The following DLGAP1 variants were observed in gnomAD, a reference collection of about 807,000 sequenced individuals.
DLGAP1 encodes the protein disks large-associated protein 1.
In DLGAP1, 11 loss-of-function variants were observed where a neutral mutation model predicts 90.8. The ratio of observed to expected loss-of-function variants is 0.12; its 90% CI spans 0.08 to 0.20. The LOEUF is 0.20. Ranked by LOEUF, DLGAP1 falls within the 10% of genes least tolerant of loss-of-function variation. The probability of loss-of-function intolerance (pLI) is 1.00; values close to 1 mark genes in which losing one functional copy is unlikely to be tolerated. For synonymous variants in DLGAP1, 558 were observed against 540.7 expected, an observed-to-expected ratio of 1.03 and a Z score of -0.44; for missense variants, 1,050 against 1,333.8, an observed-to-expected ratio of 0.79 and a Z score of 3.31.
intron 2 of DLGAP1, among the ~76,000 whole-genome samples, chr18:4,022,324 C>G (rs1320878780): frequency 6.7e-6 from 1 of 150,366 alleles, no homozygotes; most frequent in Admixed American, 6.6e-5. Context: ...AATCTCACAG[C>G]CCCCTCCAAC....
At chr18:3,588,779 CA>C (rs11449545) in intron 7 of DLGAP1, among the ~76,000 whole-genome samples, 39,548 of 134,818 alleles carry the variant, frequency 0.29, 5,288 homozygotes, top group African/African-American at 0.32. Context: ...GACTCCATCT[CA>C]AAAAAAAAAA....
At chr18:4,128,386 A>G (rs1423447367) in intron 2 of DLGAP1, among the ~76,000 whole-genome samples, 1 of 152,166 alleles carries the variant, frequency 6.6e-6, no homozygotes, top group Non-Finnish European at 1.5e-5. Context: ...GCATCTGTGG[A>G]TTTTGGGATC....
At chr18:3,898,006 G>A (rs529027023) in intron 3 of DLGAP1, among the ~76,000 whole-genome samples, 14 of 152,046 alleles carry the variant, frequency 9.2e-5, no homozygotes, top group East Asian at 3.9e-4. Flanking sequence ...TTGTTAGCCA[G>A]GATGGTCTCG....
chr18:4,299,383 T>A (rs481996), intron 1 of DLGAP1, among the ~76,000 whole-genome samples: 1 of 152,092 alleles, frequency 6.6e-6, no homozygotes, highest in Non-Finnish European at 1.5e-5. Context: ...ATGTGTTTGA[T>A]TTTTTTAATT....
chr18:3,698,864 T>C (rs889146461), intron 7 of DLGAP1, among the ~76,000 whole-genome samples: 1 of 152,144 alleles, frequency 6.6e-6, no homozygotes, highest in African/African-American at 2.4e-5. Context: ...TTCTCTAATC[T>C]TGTCTTCATG....
chr18:4,007,209 T>C (rs2074320839), intron 2 of DLGAP1, among the ~76,000 whole-genome samples: 1 of 152,080 alleles, frequency 6.6e-6, no homozygotes. Flanking sequence ...GAGGCAGGGC[T>C]TCTTGCTCCT....
In DLGAP1 at chr18:3,686,472, A is replaced by G. The variant is rs576715453; in HGVS notation, c.1591+42663T>C. 2.0e-5 allele frequency among the ~76,000 whole-genome samples: 3 copies of G among 152,332 alleles called. No homozygotes were observed. In the South Asian group the frequency reaches 6.2e-4, roughly 32 times the overall value. Reference sequence around the variant, plus strand: ...ATAATAATAAATATTGCATATTTTTATTCAGTTTATATATTGTAGGGCAAA... The same window carrying G: ...ATAATAATAAATATTGCATATTTTTGTTCAGTTTATATATTGTAGGGCAAA... On this transcript the variant is annotated intron_variant, in intron 7 of 12. Transcript: ENST00000315677.
intron 2 of DLGAP1, among the ~76,000 whole-genome samples, chr18:4,122,359 T>C (rs76416013): frequency 0.01 from 1,598 of 152,326 alleles, 28 homozygotes; most frequent in African/African-American, 0.036. Context: ...AGTAGTTGTG[T>C]CCATTTCAGA....
intron 7 of DLGAP1, among the ~76,000 whole-genome samples, chr18:3,600,731 T>TCTATACAG (rs2056865749): frequency 5.3e-5 from 2 of 37,778 alleles, no homozygotes. Flanking sequence ...GAGATATAGA[T>TCTATACAG]ATATATAGAT....
chr18:4,062,783 T>C (rs2075316891), intron 2 of DLGAP1, among the ~76,000 whole-genome samples: 1 of 152,130 alleles, frequency 6.6e-6, no homozygotes, highest in African/African-American at 2.4e-5. Flanking sequence ...TATTAGATTC[T>C]AGTCCCATCA....
intron 12 of DLGAP1, among the ~76,000 whole-genome samples, chr18:3,500,578 C>T (rs2049878390): frequency 6.6e-6 from 1 of 152,070 alleles, no homozygotes; most frequent in South Asian, 2.1e-4. Flanking sequence ...AAGGTGGAGT[C>T]TGTGTGGCTT....
intron 5 of DLGAP1, among the ~76,000 whole-genome samples, chr18:3,792,707 C>T (rs980550130): frequency 6.6e-5 from 10 of 152,188 alleles, no homozygotes; most frequent in Non-Finnish European, 1.3e-4. Context: ...ACCATACAGG[C>T]CAGCTTCTTT....
At chr18:4,232,736 C>T (rs947702408) in intron 1 of DLGAP1, among the ~76,000 whole-genome samples, 3 of 152,146 alleles carry the variant, frequency 2.0e-5, no homozygotes, top group African/African-American at 7.2e-5. Flanking sequence ...AGGAAAAATG[C>T]ACTAGCTCCT....
intron 7 of DLGAP1, among the ~76,000 whole-genome samples, chr18:3,686,175 AAAACAAAC>A (rs59979923): frequency 0.43 from 64,523 of 151,052 alleles, 14,903 homozygotes; most frequent in African/African-American, 0.61. Context: ...ACTCCATTTC[AAAACAAAC>A]AAACAAACAA....
chr18:4,066,072 T>C (rs888894770), intron 2 of DLGAP1, among the ~76,000 whole-genome samples: 13 of 151,638 alleles, frequency 8.6e-5, no homozygotes, highest in African/African-American at 2.9e-4. Flanking sequence ...GGGGAAAGGA[T>C]ACTCTTAAAT....
At chr18:4,146,385 G>A (rs750573496) in intron 2 of DLGAP1, among the ~76,000 whole-genome samples, 2 of 152,118 alleles carry the variant, frequency 1.3e-5, no homozygotes, top group Non-Finnish European at 2.9e-5. Context: ...CCCAAATCCT[G>A]CCTTTTCAAC....
intron 1 of DLGAP1, among the ~76,000 whole-genome samples, chr18:4,199,696 T>G (rs1025719599): frequency 6.6e-6 from 1 of 152,240 alleles, no homozygotes; most frequent in Non-Finnish European, 1.5e-5. Context: ...ATTACTTTAA[T>G]GGGTTAGCTT....
At chr18:4,322,015 C>A (rs1330808142) in intron 1 of DLGAP1, among the ~76,000 whole-genome samples, 1 of 151,904 alleles carries the variant, frequency 6.6e-6, no homozygotes, top group Admixed American at 6.6e-5. Flanking sequence ...GCCTGGTCAA[C>A]GTGGTGAAAC....
At chr18:3,843,969 T>C (rs1205923606) in intron 4 of DLGAP1, among the ~76,000 whole-genome samples, 1 of 152,168 alleles carries the variant, frequency 6.6e-6, no homozygotes, top group African/African-American at 2.4e-5. Flanking sequence ...CAGCATCCTG[T>C]TTATACTTCT....
Sources: allele counts gnomAD v4.1 joint callset (sites outside exome capture counted in the v4.1 genomes callset), GRCh38; gene constraint gnomAD v4.1.1; transcripts MANE v1.5; gene names NCBI Gene and HGNC (gene_info 2026-07-23, HGNC 2026-07-21).